Variants in RABEP2 observed in about 807,000 individuals in gnomAD.
RABEP2 encodes rab GTPase-binding effector protein 2.
A neutral mutation model predicts 74.1 loss-of-function variants in RABEP2; 57 were observed. That is an observed-to-expected ratio of 0.77 (90% CI 0.62 to 0.96). The LOEUF is 0.96. Among genes scored for constraint, RABEP2 ranks in the 40% least tolerant of loss-of-function variants. RABEP2 has a pLI of 0.00. For missense variants in RABEP2, 692 were observed against 756.3 expected (o/e 0.91, Z 1.00); for synonymous variants, 351 against 344.0 (o/e 1.02, Z -0.23).
intron 3 of RABEP2, among the ~76,000 whole-genome samples, chr16:28,916,854 C>T (rs774218219): frequency 2.0e-5 from 3 of 150,862 alleles, no homozygotes; most frequent in Non-Finnish European, 2.9e-5. Flanking sequence ...TGTGGTGGTG[C>T]GCGCCTGTAA....
chr16:28,919,808 G>A lies in RABEP2; in HGVS notation c.410C>T (p.Ser137Phe). The change falls in exon 3 of 13, where the codon TCC becomes TTC. Residue 137 changes from serine to phenylalanine, a missense_variant. Ser to Phe is a radical substitution (Grantham distance 155). Coordinates refer to ENST00000358201, the MANE Select transcript of RABEP2 (RefSeq NM_024816.3). ...AACCTTTTCCATCTGCTTCTCCAGG[G>A]AGTCCAGGGGGTAGGCCCGGGACAG... is the stretch of plus-strand genomic sequence containing the variant. ...QLLSRAYPLD[S>F]LEKQMEKAHE... 1.2e-6 allele frequency: 2 copies of A among 1,608,848 alleles called. No homozygotes were observed. Among genetic ancestry groups the A allele is most frequent in the Non-Finnish European group, 1.7e-6 (2 of 1,176,810 alleles).
intron 8 of RABEP2, 25 bp from the exon 9 acceptor site, chr16:28,906,221 G>A (rs1314660520): frequency 6.5e-7 from 1 of 1,549,842 alleles, no homozygotes; most frequent in Non-Finnish European, 8.7e-7. Flanking sequence ...GGAGTCACCT[G>A]CTGGGCTGGG....
intron 1 of RABEP2, chr16:28,924,853 T>C: frequency 1.5e-6 from 1 of 677,846 alleles, no homozygotes. Flanking sequence ...CGGTCCCACC[T>C]GGCCCCGCCC....
intron 3 of RABEP2, among the ~76,000 whole-genome samples, chr16:28,916,673 CAAAAAAAA>C (rs74392921): frequency 8.2e-5 from 4 of 48,674 alleles, no homozygotes; most frequent in African/African-American, 2.6e-4. Context: ...CTCTTGTCTC[CAAAAAAAA>C]AAAAAAAAAA....
At chr16:28,910,841 C>G in intron 7 of RABEP2, 47 bp downstream of exon 7, 1 of 1,520,238 alleles carries the variant, frequency 6.6e-7, no homozygotes. Context: ...GCAACTGATT[C>G]CTGCTGGACT....
chr16:28,922,182 C>T (rs1183534271), intron 2 of RABEP2, among the ~76,000 whole-genome samples: 1 of 152,180 alleles, frequency 6.6e-6, no homozygotes, highest in African/African-American at 2.4e-5. Flanking sequence ...CTCCTGACCT[C>T]AACTGATCCT....
chr16:28,924,664 A>C, intron 1 of RABEP2, 49 bp from the exon 2 acceptor site: 1 of 1,544,000 alleles, frequency 6.5e-7, no homozygotes, highest in Non-Finnish European at 8.9e-7. Context: ...ACCCCAGGCC[A>C]CCTACCGGCT....
Position 28,925,158 on chromosome 16 carries a change from C to A in RABEP2, c.6G>T (p.Ala2=), listed in dbSNP as rs747486516. 6.5e-7 allele frequency: 1 copy of A among 1,531,780 alleles called. No individual in the cohort carries two copies. The highest frequency in any genetic ancestry group is 8.7e-7 in the Non-Finnish European group (1 of 1,145,006). The allele number at this position is 1,531,780 out of a possible 1,614,324, so 94.9% of individuals were successfully genotyped here. The change falls in exon 1 of 13, where the codon GCG becomes GCT. Residue 2 remains alanine (A), a synonymous_variant. Coordinates refer to ENST00000358201, the MANE Select transcript of RABEP2 (RefSeq NM_024816.3). ...CGTCCGCGGCCACCGGCGCAGCTGC[C>A]GCCATTGCCTCAGCGCAAACGGCGG... The part of the protein sequence containing the change: M[A]AAAPVAADDD...
At chr16:28,905,080 TG>T in intron 12 of RABEP2, 36 bp from the exon 13 acceptor site, 1 of 1,550,886 alleles carries the variant, frequency 6.4e-7, no homozygotes, top group Non-Finnish European at 8.7e-7. Flanking sequence ...AGTGCACTTG[TG>T]GGGAAACGCA....
intron 3 of RABEP2, among the ~76,000 whole-genome samples, chr16:28,915,230 G>A: frequency 2.9e-5 from 1 of 33,996 alleles, no homozygotes; most frequent in Non-Finnish European, 6.3e-5. Flanking sequence ...GCTAATTTTT[G>A]TATTTTTTTG....
chr16:28,905,846 T>G (rs749889626), intron 10 of RABEP2, 21 bp downstream of exon 10: 1 of 1,613,764 alleles, frequency 6.2e-7, no homozygotes, highest in Non-Finnish European at 8.5e-7. Context: ...ATCCCCAAGA[T>G]CACCTCCAGC....
chr16:28,919,384 A>T (rs1964438035), intron 3 of RABEP2, among the ~76,000 whole-genome samples: 1 of 152,212 alleles, frequency 6.6e-6, no homozygotes, highest in African/African-American at 2.4e-5. Flanking sequence ...TCCTGACCTC[A>T]AGTGCCCCAC....
intron 1 of RABEP2, 66 bp from the exon 2 acceptor site, chr16:28,924,681 G>A: frequency 2.1e-6 from 3 of 1,449,726 alleles, no homozygotes; most frequent in South Asian, 2.3e-5. Context: ...GGCTTAGCAA[G>A]TCCTGCAACC....
At chr16:28,908,999 CTATATATA>C (rs113226418) in intron 7 of RABEP2, among the ~76,000 whole-genome samples, 110,263 of 148,566 alleles carry the variant, frequency 0.74, 41,946 homozygotes, top group African/African-American at 0.93. Flanking sequence ...TTTACTTGGT[CTATATATA>C]TATATATATA....
chr16:28,915,373 T>C (rs1056457681), intron 3 of RABEP2, among the ~76,000 whole-genome samples: 1 of 151,174 alleles, frequency 6.6e-6, no homozygotes, highest in African/African-American at 2.4e-5. Flanking sequence ...ATTACACCAA[T>C]GGCCAGCACA....
chr16:28,924,237 T>TA (rs1346314726), intron 2 of RABEP2, 166 bp downstream of exon 2: 1 of 630,510 alleles, frequency 1.6e-6, no homozygotes, highest in Non-Finnish European at 2.7e-6. Context: ...GGAGGGCCTC[T>TA]ATGCAAATTT....
In RABEP2 at chr16:28,904,971, G is replaced by A. The variant is rs370282244; in HGVS notation, c.1682C>T (p.Thr561Met). ...VRSIMDEAPL[T>M]DVRDIKDT is the part of the protein sequence containing the mutation. The stretch of plus-strand genomic sequence containing the variant: ...GGTGTCCTTGATGTCCCTGACGTCC[G>A]TGAGTGGCGCCTCATCCATGATGCT... Residue 561 changes from threonine (T) to methionine (M), a missense_variant, in exon 13 of 13, where the codon ACG becomes ATG. Physicochemically the swap from Thr to Met is moderately conservative, Grantham distance 81. Transcript: ENST00000358201. 1.6e-5 allele frequency: 26 copies of A among 1,612,700 alleles called. No individual in the cohort carries two copies. The highest frequency in any genetic ancestry group is 3.3e-5 in the South Asian group (3 of 91,076).
In RABEP2 at chr16:28,914,331, C is replaced by A; in HGVS notation, c.799G>T (p.Val267Leu). 6.2e-7 allele frequency: 1 copy of A among 1,613,380 alleles called. No individual in the cohort carries two copies. The highest frequency in any genetic ancestry group is 1.1e-5 in the South Asian group (1 of 91,064). ...TCGGGAACCAGGGTGCCCGTAGACA[C>A]CAGCGAGGCCGTCTCTTCCTGTTCA... ...SPEQEETASL[V>L]STGTLVPEGI... The change falls in exon 5 of 13, where the codon GTG (valine) becomes TTG (leucine). Residue 267 changes from valine (V) to leucine (L), a missense_variant. Physicochemically the swap from Val to Leu is conservative, Grantham distance 32. Transcript: ENST00000358201.
rs199981658 is a variant in RABEP2, at chr16:28,914,776, C to G, written c.439G>C (p.Glu147Gln). The change falls in exon 4 of 13, where the codon GAG (glutamate) becomes CAG (glutamine). Residue 147 changes from glutamate (E) to glutamine (Q), a missense_variant. By Grantham distance (29) the Glu-to-Gln change is conservative. Coordinates refer to ENST00000358201, the MANE Select transcript of RABEP2 (RefSeq NM_024816.3). ...SLEKQMEKAH[E>Q]DSEKLREIVL... ...ATCTCCCGCAGCTTCTCCGAGTCCT[C>G]GTGGGCCTGGAGGGAGCGGGGTGTG... The G allele has an allele frequency of 1.4e-5, 23 of 1,613,984 alleles. No homozygotes were observed. The Admixed American group carries it at 3.7e-4, about 26-fold the overall frequency.
Sources: allele counts gnomAD v4.1 joint callset (sites outside exome capture counted in the v4.1 genomes callset), GRCh38; gene constraint gnomAD v4.1.1; transcripts MANE v1.5; gene names NCBI Gene and HGNC (gene_info 2026-07-23, HGNC 2026-07-21).